Variants in PARD3B observed in about 807,000 individuals in gnomAD.
The protein encoded by PARD3B is partitioning defective 3 homolog B.
In PARD3B, 103 loss-of-function variants were observed where a neutral mutation model predicts 130.2. The ratio of observed to expected loss-of-function variants is 0.79; its 90% CI spans 0.67 to 0.93. The LOEUF (loss-of-function observed/expected upper bound fraction) is 0.93. PARD3B is among the 40% of genes least tolerant of loss of function. The pLI, the probability that PARD3B is intolerant of heterozygous loss-of-function variation, is 0.00. For synonymous variants in PARD3B, 583 were observed against 553.2 expected (o/e 1.05, Z -0.76); for missense variants, 1,609 against 1,499.2 (o/e 1.07, Z -1.21).
rs145958005 is a variant in PARD3B, at chr2:205,128,825, A to G, written c.1434+3088A>G. ...GATTGTTTTATTTTTTTATTATTTT[A>G]TAATGTATTCTGGGATCCAAAATAC... On this transcript the variant is annotated intron_variant, in intron 10 of 22. Transcript: ENST00000406610. The surrounding 1 kb of genome is among the most constrained non-coding windows in gnomAD (Gnocchi z 4.5). Among the ~76,000 whole-genome samples, 1,074 of 152,230 alleles carry G rather than the reference A, an allele frequency of 7.1e-3. 14 individuals are homozygous for G. Among genetic ancestry groups the G allele is most frequent in the African/African-American group, 0.024 (1,013 of 41,532 alleles).
intron 2 of PARD3B, among the ~76,000 whole-genome samples, chr2:204,827,065 C>G (rs2043609232): frequency 6.6e-6 from 1 of 152,112 alleles, no homozygotes; most frequent in African/African-American, 2.4e-5. Flanking sequence ...TCTTGTTCTA[C>G]AATGTGAAGC....
chr2:204,880,315 T>C (rs1177552306), intron 2 of PARD3B, among the ~76,000 whole-genome samples: 1 of 152,166 alleles, frequency 6.6e-6, no homozygotes, highest in African/African-American at 2.4e-5. Flanking sequence ...GTTATATAGG[T>C]ATATCATACA....
chr2:204,553,673 TATATATATATATATATATATATAC>T, intron 1 of PARD3B, among the ~76,000 whole-genome samples: 1 of 118,190 alleles, frequency 8.5e-6, no homozygotes. Context: ...TATATATATA[TATATATATATATATATATATATAC>T]ACACATATAT....
intron 18 of PARD3B, among the ~76,000 whole-genome samples, chr2:205,340,751 T>G (rs2043493919): frequency 1.3e-5 from 2 of 152,112 alleles, no homozygotes; most frequent in South Asian, 4.1e-4. Context: ...CAAATGGGAT[T>G]ATAGTTTACT....
At chr2:204,613,549 G>A (rs528992552) in intron 1 of PARD3B, among the ~76,000 whole-genome samples, 6 of 152,080 alleles carry the variant, frequency 3.9e-5, no homozygotes, top group South Asian at 2.1e-4. Context: ...CTGTTATTGC[G>A]TTTTGGACCT....
At chr2:205,206,176 G>A (rs1185848186) in intron 15 of PARD3B, among the ~76,000 whole-genome samples, 1 of 135,412 alleles carries the variant, frequency 7.4e-6, no homozygotes, top group Non-Finnish European at 1.6e-5. Context: ...CTAAACCATT[G>A]TTCATATTTA....
At position 205,187,803 on chromosome 2, in the gene PARD3B, G is replaced by A. The variant is rs759794305; in HGVS notation, c.2024+1940G>A. On this transcript the variant is annotated intron_variant, in intron 14 of 22. Coordinates refer to ENST00000406610, the MANE Select transcript of PARD3B (RefSeq NM_001302769.2). The surrounding 1 kb of genome is among the most constrained non-coding windows in gnomAD (Gnocchi z 4.9). Reference sequence around the variant, plus strand: ...TTCACGTCTTCCTTCCTAGTCCCGTGTGTTTTAGGCCTCTGTTCTCACTTC... The same window carrying A: ...TTCACGTCTTCCTTCCTAGTCCCGTATGTTTTAGGCCTCTGTTCTCACTTC... 2.0e-5 allele frequency among the ~76,000 whole-genome samples: 3 copies of A among 152,116 alleles called. No homozygotes were observed. Among genetic ancestry groups the A allele is most frequent in the Non-Finnish European group, 4.4e-5 (3 of 68,038 alleles).
chr2:204,959,613 TTTG>T (rs749664689), intron 2 of PARD3B, among the ~76,000 whole-genome samples: 36 of 152,178 alleles, frequency 2.4e-4, no homozygotes, highest in Non-Finnish European at 4.9e-4. Context: ...AAAGTGTTTG[TTTG>T]TTGTTCTTGT....
At chr2:204,630,682 G>A (rs952498947) in intron 1 of PARD3B, among the ~76,000 whole-genome samples, 1 of 152,024 alleles carries the variant, frequency 6.6e-6, no homozygotes, top group Admixed American at 6.5e-5. Context: ...TCCTATTAAT[G>A]CTCACATTTA....
At chr2:204,694,222 C>T (rs1411118198) in intron 2 of PARD3B, among the ~76,000 whole-genome samples, 1 of 151,960 alleles carries the variant, frequency 6.6e-6, no homozygotes, top group Admixed American at 6.6e-5. Flanking sequence ...GTATTTTATC[C>T]CAGTCAACAT....
At chr2:205,437,299 T>A (rs1315551501) in intron 19 of PARD3B, among the ~76,000 whole-genome samples, 2 of 152,176 alleles carry the variant, frequency 1.3e-5, no homozygotes, top group African/African-American at 4.8e-5. Flanking sequence ...ACTTCATCAT[T>A]TATTATCATC....
At chr2:204,999,238 GTCA>G (rs1485152819) in intron 3 of PARD3B, among the ~76,000 whole-genome samples, 1 of 151,246 alleles carries the variant, frequency 6.6e-6, no homozygotes, top group Non-Finnish European at 1.5e-5. Flanking sequence ...CATTATCGTT[GTCA>G]TCATCATTTA....
intron 18 of PARD3B, among the ~76,000 whole-genome samples, chr2:205,395,790 T>C (rs115099892): frequency 0.022 from 3,370 of 152,318 alleles, 127 homozygotes; most frequent in African/African-American, 0.075. Context: ...TACTTCAGCA[T>C]CAGGATGGTC....
chr2:204,918,369 G>T (rs565562958), intron 2 of PARD3B, among the ~76,000 whole-genome samples: 20 of 152,220 alleles, frequency 1.3e-4, no homozygotes, highest in South Asian at 1.0e-3. Flanking sequence ...AGTGGCTCAC[G>T]CCTGTAATCC....
At chr2:204,570,636 C>T (rs2031939110) in intron 1 of PARD3B, among the ~76,000 whole-genome samples, 1 of 152,144 alleles carries the variant, frequency 6.6e-6, no homozygotes, top group Non-Finnish European at 1.5e-5. Context: ...GGTAGATTGA[C>T]CAGGGGCAGA....
intron 16 of PARD3B, among the ~76,000 whole-genome samples, chr2:205,262,300 AGATGATGTACTAGTTGTGTATTGTG>A (rs2040344379): frequency 6.6e-6 from 1 of 152,180 alleles, no homozygotes; most frequent in Non-Finnish European, 1.5e-5. Context: ...TTAGTAAAAC[AGATGATGTACTAGTTGTGTATTGTG>A]GCTGAAGATA....
intron 22 of PARD3B, among the ~76,000 whole-genome samples, chr2:205,581,247 T>G (rs866727550): frequency 1.3e-5 from 1 of 78,756 alleles, no homozygotes; most frequent in African/African-American, 3.7e-5. Flanking sequence ...TATAGATATA[T>G]ATAGATATAT....
intron 2 of PARD3B, among the ~76,000 whole-genome samples, chr2:204,933,472 G>A (rs753826807): frequency 3.9e-5 from 6 of 152,120 alleles, no homozygotes; most frequent in Non-Finnish European, 8.8e-5. Flanking sequence ...TCATTTTATA[G>A]AAAATGTTAT....
intron 22 of PARD3B, among the ~76,000 whole-genome samples, chr2:205,560,911 G>A (rs1218405874): frequency 6.6e-6 from 1 of 152,174 alleles, no homozygotes; most frequent in Non-Finnish European, 1.5e-5. Flanking sequence ...TTTCCGCATT[G>A]GGTACGATTG....
Sources: gnomAD v4.1 joint callset for allele counts (sites outside exome capture counted in the v4.1 genomes callset) on GRCh38, gnomAD v4.1.1 for gene constraint, Gnocchi (gnomAD v3.1) non-coding constraint, MANE v1.5 for transcripts, NCBI Gene and HGNC (gene_info 2026-07-23, HGNC 2026-07-21) for gene names.